TASP1: variants seen among roughly 807,000 people sequenced by gnomAD.
TASP1 encodes threonine aspartase 1.
A neutral mutation model predicts 56.6 loss-of-function variants in TASP1; 16 were observed. That is an observed-to-expected ratio of 0.28 (90% confidence interval 0.19 to 0.43). The LOEUF (loss-of-function observed/expected upper bound fraction) is 0.43. Among genes scored for constraint, TASP1 ranks in the 20% least tolerant of loss-of-function variants. TASP1 has a pLI of 1.00. For missense variants in TASP1, 393 were observed against 511.6 expected, an observed-to-expected ratio of 0.77 and a Z score of 2.24; for synonymous variants, 179 against 184.2, an observed-to-expected ratio of 0.97 and a Z score of 0.23.
the TASP1 span, among the ~76,000 whole-genome samples, chr20:13,255,216 A>G: frequency 1.5e-3 from 232 of 152,354 alleles, no homozygotes; most frequent in African/African-American, 5.3e-3. Flanking sequence ...GACTTGAAGG[A>G]TAGAAGAGAG....
the TASP1 span, chr20:13,221,737 G>C: frequency 3.7e-6 from 5 of 1,350,108 alleles, no homozygotes; most frequent in Admixed American, 1.4e-4. Context: ...CGCCGCCGCC[G>C]GCCGCCGCGC....
At chr20:13,380,829 G>T in the TASP1 span, among the ~76,000 whole-genome samples, 1 of 152,148 alleles carries the variant, frequency 6.6e-6, no homozygotes, top group East Asian at 1.9e-4. Flanking sequence ...GCAGAGCTGC[G>T]GTGGACCCTG....
At chr20:13,614,944 C>T (rs371993359) in intron 4 of TASP1, 42 of 396,776 alleles carry the variant, frequency 1.1e-4, no homozygotes, top group African/African-American at 5.9e-4. Flanking sequence ...ACTTATACTT[C>T]CCTTCAACCT....
intron 10 of TASP1, among the ~76,000 whole-genome samples, chr20:13,521,330 T>A (rs1310701244): frequency 6.6e-6 from 1 of 152,228 alleles, no homozygotes; most frequent in East Asian, 1.9e-4. Flanking sequence ...CACACGTATG[T>A]TTACTGTGGC....
At chr20:13,222,501 T>C in the TASP1 span, among the ~76,000 whole-genome samples, 1 of 151,636 alleles carries the variant, frequency 6.6e-6, no homozygotes, top group African/African-American at 2.4e-5. Flanking sequence ...GGTTCCCCCC[T>C]CCCCCCTTGT....
intron 10 of TASP1, among the ~76,000 whole-genome samples, chr20:13,514,751 G>C (rs2044459793): frequency 4.6e-5 from 7 of 151,960 alleles, no homozygotes; most frequent in Admixed American, 3.9e-4. Context: ...AAAGCTAAAA[G>C]AAAAACACAA....
At chr20:13,570,064 A>G (rs1159567973) in intron 6 of TASP1, among the ~76,000 whole-genome samples, 6 of 152,128 alleles carry the variant, frequency 3.9e-5, no homozygotes, top group African/African-American at 1.4e-4. Context: ...TACATTTCTA[A>G]GCCCTGATGC....
intron 1 of TASP1, among the ~76,000 whole-genome samples, chr20:13,637,819 T>C (rs1217755392): frequency 1.3e-5 from 2 of 152,210 alleles, no homozygotes; most frequent in Admixed American, 6.5e-5. Flanking sequence ...ATAGTGGTGA[T>C]GGGTGCACAA....
At chr20:13,224,841 C>CTTTTTT in the TASP1 span, among the ~76,000 whole-genome samples, 9 of 107,246 alleles carry the variant, frequency 8.4e-5, no homozygotes, top group Non-Finnish European at 1.5e-4. Context: ...AGCTTTCTTT[C>CTTTTTT]TTTTTTTTTT....
chr20:13,279,963 T>C, the TASP1 span: 2 of 1,482,300 alleles, frequency 1.3e-6, no homozygotes. Context: ...GCCTTGGACA[T>C]GGAGCCAAGC....
chr20:13,369,757 T>C, the TASP1 span, among the ~76,000 whole-genome samples: 6 of 152,328 alleles, frequency 3.9e-5, no homozygotes, highest in East Asian at 1.2e-3. Context: ...AGATGATGGC[T>C]ATCAAGTTTA....
intron 6 of TASP1, 149 bp downstream of exon 6, chr20:13,580,748 T>TGTACATTGTAC (rs2047091481): frequency 3.0e-6 from 2 of 677,822 alleles, no homozygotes; most frequent in Admixed American, 5.3e-5. Context: ...TCCAAAACTT[T>TGTACATTGTAC]ATTAGCTGTA....
chr20:13,272,519 G>C, the TASP1 span, among the ~76,000 whole-genome samples: 2 of 152,186 alleles, frequency 1.3e-5, no homozygotes, highest in Non-Finnish European at 1.5e-5. Context: ...GTGTCCCAAG[G>C]GGGTGGATCT....
the TASP1 span, among the ~76,000 whole-genome samples, chr20:13,123,103 G>A: frequency 0.15 from 22,423 of 152,084 alleles, 2,744 homozygotes; most frequent in African/African-American, 0.34. Flanking sequence ...GGCCAAGGCC[G>A]GCGGATTACC....
chr20:13,505,125 TTATTA>T (rs2044082948), intron 10 of TASP1, among the ~76,000 whole-genome samples: 1 of 152,048 alleles, frequency 6.6e-6, no homozygotes, highest in African/African-American at 2.4e-5. Context: ...GGAGCTATAT[TTATTA>T]TAAGACAAAG....
chr20:13,193,418 T>A, the TASP1 span, among the ~76,000 whole-genome samples: 26 of 152,208 alleles, frequency 1.7e-4, no homozygotes, highest in African/African-American at 5.5e-4. Context: ...TGACTGGGCA[T>A]CTCTTTTACA....
chr20:13,533,921 T>C (rs1293623574), intron 9 of TASP1, 101 bp downstream of exon 9: 2 of 1,367,000 alleles, frequency 1.5e-6, no homozygotes, highest in Non-Finnish European at 2.0e-6. Context: ...TGACATTCAT[T>C]TTTTCTAAAG....
At chr20:13,535,517 C>G (rs1190067002) in intron 8 of TASP1, among the ~76,000 whole-genome samples, 1 of 152,106 alleles carries the variant, frequency 6.6e-6, no homozygotes, top group Non-Finnish European at 1.5e-5. Flanking sequence ...TATTCCTAAT[C>G]CCTCTTTTAA....
the TASP1 span, among the ~76,000 whole-genome samples, chr20:13,141,097 G>C: frequency 6.6e-6 from 1 of 152,062 alleles, no homozygotes; most frequent in Non-Finnish European, 1.5e-5. Context: ...GGGCATTGAG[G>C]GGGGAAAGAA....
Sources: gnomAD v4.1 joint callset for allele counts (sites outside exome capture counted in the v4.1 genomes callset) on GRCh38, gnomAD v4.1.1 for gene constraint, MANE v1.5 for transcripts, NCBI Gene and HGNC (gene_info 2026-07-23, HGNC 2026-07-21) for gene names.